The following STARD9 variants were observed in gnomAD, a reference collection of about 807,000 sequenced individuals.
STARD9 encodes the protein StAR related lipid transfer domain containing 9.
Under a neutral mutation model 399.8 loss-of-function variants are expected in STARD9, and 346 were observed. The observed-to-expected ratio is 0.87, with a 90% confidence interval of 0.79 to 0.95. The LOEUF is 0.95. Ranked by LOEUF, STARD9 falls within the 40% of genes least tolerant of loss-of-function variation. The probability of loss-of-function intolerance (pLI) is 0.00; values close to 1 mark genes in which losing one functional copy is unlikely to be tolerated. For synonymous variants in STARD9, 2,203 were observed against 2,143.5 expected (o/e 1.03, Z -0.77); for missense variants, 5,832 against 5,667.5 (o/e 1.03, Z -0.93).
intron 24 of STARD9, 86 bp from the exon 25 acceptor site, chr15:42,695,054 G>T: frequency 9.0e-7 from 1 of 1,111,848 alleles, no homozygotes; most frequent in Non-Finnish European, 1.2e-6. Flanking sequence ...TTTTAAGAAG[G>T]TGGTATCACC....
chr15:42,714,908 G>A (rs1376452383), intron 26 of STARD9, among the ~76,000 whole-genome samples: 1 of 151,154 alleles, frequency 6.6e-6, no homozygotes, highest in East Asian at 1.9e-4. Context: ...ATTAATTTAT[G>A]GATATTTATT....
intron 1 of STARD9, among the ~76,000 whole-genome samples, chr15:42,578,663 A>G (rs1296640033): frequency 6.6e-6 from 1 of 152,016 alleles, no homozygotes; most frequent in Non-Finnish European, 1.5e-5. Context: ...AGAATATGTA[A>G]AATGAGATTT....
At chr15:42,718,210 G>GC in intron 30 of STARD9, 31 bp downstream of exon 30, 1 of 1,525,638 alleles carries the variant, frequency 6.6e-7, no homozygotes, top group South Asian at 1.2e-5. Context: ...CTTCCATGGG[G>GC]CCTAGTTTCT....
intron 26 of STARD9, among the ~76,000 whole-genome samples, chr15:42,706,734 GCCA>G (rs2061095662): frequency 1.3e-5 from 2 of 152,118 alleles, no homozygotes; most frequent in Non-Finnish European, 2.9e-5. Context: ...ACAGGCGTGA[GCCA>G]CCACACCTGG....
intron 15 of STARD9, 65 bp downstream of exon 15, chr15:42,665,913 G>C: frequency 7.3e-7 from 1 of 1,378,832 alleles, no homozygotes; most frequent in Non-Finnish European, 1.0e-6. Context: ...TTATTCCGGA[G>C]CTAGGTAGGG....
rs2060721704 is a variant in STARD9, at chr15:42,692,070, C to T, written c.10492C>T (p.Gln3498Ter). Residue 3498 changes from glutamine to a stop codon, truncating the protein, a stop_gained, in exon 23 of 33, where the codon CAG becomes TAG. Coordinates refer to ENST00000290607, the MANE Select transcript of STARD9 (RefSeq NM_020759.3). LOFTEE classifies it high-confidence loss of function. ...CAGTGCAGTCGATGTTTCCTGCAGC[C>T]AGAAGCCCCAGGGGCTGACACTATC... ...SGSAVDVSCSQKPQGLTLSNV... is the reference protein window; with the variant it reads ...SGSAVDVSCS 1.3e-6 allele frequency: 2 copies of T among 1,537,140 alleles called. No individual in the cohort carries two copies. Among genetic ancestry groups the T allele is most frequent in the Non-Finnish European group, 1.7e-6 (2 of 1,146,926 alleles).
chr15:42,665,816 C>A lies in STARD9; in HGVS notation c.1285C>A (p.Leu429Met), dbSNP rs539023005. 66 of 1,537,174 alleles carry A rather than the reference C, an allele frequency of 4.3e-5. 1 individual carries two copies. In the African/African-American group the frequency reaches 4.6e-4, roughly 11 times the overall value. The change falls in exon 15 of 33, where the codon CTG (leucine) becomes ATG (methionine). Residue 429 changes from leucine (L) to methionine (M), a missense_variant. Physicochemically the swap from Leu to Met is conservative, Grantham distance 15. Coordinates refer to ENST00000290607, the MANE Select transcript of STARD9 (RefSeq NM_020759.3). ...RNFSSLSDEN[L>M]KELVLQNELK... ...CTTCAGTTCATTGAGTGATGAAAACCTGAAGGAGCTGGTTCTCCAAAATGA... is the reference window on the plus strand; with the variant it reads ...CTTCAGTTCATTGAGTGATGAAAACATGAAGGAGCTGGTTCTCCAAAATGA...
At chr15:42,613,459 G>T (rs546803765) in intron 3 of STARD9, among the ~76,000 whole-genome samples, 2 of 152,132 alleles carry the variant, frequency 1.3e-5, no homozygotes, top group East Asian at 1.9e-4. Context: ...AAAAAGTATG[G>T]TTTATTTCCC....
At chr15:42,683,769 C>G (rs556439155) in intron 22 of STARD9, among the ~76,000 whole-genome samples, 11 of 152,202 alleles carry the variant, frequency 7.2e-5, no homozygotes, top group African/African-American at 2.6e-4. Context: ...AATTATAGTT[C>G]TGTAGAATAT....
chr15:42,630,811 C>CT (rs1166411109), intron 3 of STARD9, among the ~76,000 whole-genome samples: 1 of 152,034 alleles, frequency 6.6e-6, no homozygotes, highest in East Asian at 1.9e-4. Context: ...TGAGTCTTCT[C>CT]TTTTTTTCTT....
Position 42,718,905 on chromosome 15 carries a change from G to A in STARD9, c.13996G>A (p.Ala4666Thr), listed in dbSNP as rs768932589. 1.3e-6 allele frequency: 2 copies of A among 1,537,158 alleles called. No individual in the cohort carries two copies. The highest frequency in any genetic ancestry group is 2.4e-5 in the East Asian group (1 of 40,914). ...GGAAGTCACCAGAGTCATCTACTTG[G>A]CCCAGGTGATAAATCCTTTGCAGCT... ...GKEVTRVIYL[A>T]QVELGAPGFP... Residue 4666 changes from alanine to threonine, a missense_variant, in exon 32 of 33, where the codon GCC becomes ACC. Coordinates refer to ENST00000290607, the MANE Select transcript of STARD9 (RefSeq NM_020759.3).
intron 26 of STARD9, among the ~76,000 whole-genome samples, chr15:42,707,373 A>G (rs1446904727): frequency 6.6e-6 from 1 of 152,196 alleles, no homozygotes; most frequent in Non-Finnish European, 1.5e-5. Context: ...AAGAGTGGAT[A>G]GGTAAAATGT....
chr15:42,641,231 C>T (rs1046668780), intron 7 of STARD9, among the ~76,000 whole-genome samples: 1 of 152,062 alleles, frequency 6.6e-6, no homozygotes, highest in African/African-American at 2.4e-5. Flanking sequence ...TGGAGTGAAT[C>T]CTTGAAGGGA....
chr15:42,585,074 CAT>C (rs1444845848), intron 2 of STARD9, among the ~76,000 whole-genome samples: 6 of 151,966 alleles, frequency 3.9e-5, no homozygotes, highest in African/African-American at 1.5e-4. Flanking sequence ...GTATATGAAA[CAT>C]AAAAGGATTT....
In STARD9 at chr15:42,638,701, T is replaced by A. The variant is rs1430876425; in HGVS notation, c.448T>A (p.Phe150Ile). The A allele has an allele frequency of 2.0e-6, 3 of 1,529,684 alleles. No homozygotes were observed. The highest frequency in any genetic ancestry group is 2.4e-5 in the South Asian group (2 of 82,508). The allele number at this position is 1,529,684 out of a possible 1,614,324, so 94.8% of individuals were successfully genotyped here. A position where few individuals can be genotyped will look rare whatever the true frequency, so the allele number is the denominator to read the frequency against. The stretch of plus-strand genomic sequence containing the variant: ...TTGCCTTTTTCTACTTAACTCTAGT[T>A]TTCTAGAAATCTATAATGAACGGGT... ...LPSSCRIKVS[F>I]LEIYNERVRD... is the part of the protein sequence containing the mutation. Residue 150 changes from phenylalanine to isoleucine, a missense_variant and splice_region_variant, in exon 7 of 33, where the codon TTT (phenylalanine) becomes ATT (isoleucine). Phe to Ile is a conservative substitution (Grantham distance 21). Around this residue, in one of 2 missense-constraint regions of STARD9, gnomAD observed 5,828 missense variants for 5,651.1 expected, o/e 1.03. Transcript: ENST00000290607.
chr15:42,638,611 A>G, intron 6 of STARD9, 89 bp from the exon 7 acceptor site: 1 of 847,336 alleles, frequency 1.2e-6, no homozygotes, highest in Non-Finnish European at 1.8e-6. Flanking sequence ...GAGCTGGAAC[A>G]AGAACTAAGA....
rs747329614 is a variant in STARD9, at chr15:42,691,029, G to T, written c.9451G>T (p.Ala3151Ser). 8 of 1,537,114 alleles carry T rather than the reference G, an allele frequency of 5.2e-6. No homozygotes were observed. Among genetic ancestry groups the T allele is most frequent in the Non-Finnish European group, 7.0e-6 (8 of 1,146,908 alleles). The change falls in exon 23 of 33, where the codon GCT (alanine) becomes TCT (serine). Residue 3151 changes from alanine (A) to serine (S), a missense_variant. By Grantham distance (99) the Ala-to-Ser change is moderately conservative. This residue lies in a region of STARD9 where 5,828 missense variants were observed against 5,651.1 expected (regional missense o/e 1.03). Coordinates refer to ENST00000290607, the MANE Select transcript of STARD9 (RefSeq NM_020759.3). ...CACCCTGGATTTAAGTGAAGGGTCTGCTGAGAGCAAGTTGGTGGTAGAGCC... is the reference window on the plus strand; with the variant it reads ...CACCCTGGATTTAAGTGAAGGGTCTTCTGAGAGCAAGTTGGTGGTAGAGCC... ...PHTLDLSEGS[A>S]ESKLVVEPQH...
rs16956958 is a variant in STARD9 at position 42,652,418 on chromosome 15, G to A, written c.630-102G>A. 2,507 of 954,578 alleles carry A rather than the reference G, an allele frequency of 2.6e-3. 42 individuals are homozygous for A. In the African/African-American group the frequency reaches 0.035, roughly 13 times the overall value. The allele number at this position is 954,578 out of a possible 1,614,324, so 59.1% of individuals were successfully genotyped here. ...ATATGTGTGTTTTATGATTCTTGTC[G>A]GTGAACCTCAGCACTAACATTTCTT... On this transcript the variant is annotated intron_variant, in intron 8 of 32. Transcript: ENST00000290607.
At chr15:42,702,454 G>A (rs1350969787) in intron 26 of STARD9, among the ~76,000 whole-genome samples, 3 of 151,984 alleles carry the variant, frequency 2.0e-5, no homozygotes, top group Non-Finnish European at 4.4e-5. Flanking sequence ...TGCCCACCTC[G>A]GCCTCCCAAA....
Sources: gnomAD v4.1 joint callset for allele counts (sites outside exome capture counted in the v4.1 genomes callset) on GRCh38, gnomAD v4.1.1 for gene constraint, gnomAD v4.1.1 regional missense constraint, MANE v1.5 for transcripts, NCBI Gene and HGNC (gene_info 2026-07-23, HGNC 2026-07-21) for gene names.